The following PLCB1 variants were observed in gnomAD, a reference collection of about 807,000 sequenced individuals.
PLCB1 encodes the protein phospholipase C beta 1.
PLCB1 carries 46 observed loss-of-function variants against 161.8 expected under a neutral mutation model. The ratio of observed to expected loss-of-function variants is 0.28; its 90% CI spans 0.22 to 0.36. The LOEUF (loss-of-function observed/expected upper bound fraction) is 0.36, where lower values mean the gene tolerates loss of function less well. Among genes scored for constraint, PLCB1 ranks in the 10% least tolerant of loss-of-function variants. The pLI is 1.00. For missense variants in PLCB1, 1,016 were observed against 1,472.5 expected, an observed-to-expected ratio of 0.69 and a Z score of 5.07; for synonymous variants, 517 against 503.7, an observed-to-expected ratio of 1.03 and a Z score of -0.35.
chr20:8,377,505 A>G (rs1431489101), intron 3 of PLCB1, among the ~76,000 whole-genome samples: 1 of 152,188 alleles, frequency 6.6e-6, no homozygotes, highest in Admixed American at 6.5e-5. Context: ...AAACTACAAA[A>G]GAGAGAAGCA....
intron 3 of PLCB1, among the ~76,000 whole-genome samples, chr20:8,601,068 G>A (rs1409137367): frequency 1.3e-5 from 2 of 152,118 alleles, no homozygotes; most frequent in Non-Finnish European, 2.9e-5. Context: ...CTTCTGCGTC[G>A]CTCACGCTGG....
chr20:8,327,800 G>A (rs964975065), intron 2 of PLCB1, among the ~76,000 whole-genome samples: 3 of 152,012 alleles, frequency 2.0e-5, no homozygotes, highest in Non-Finnish European at 4.4e-5. Flanking sequence ...TGAAAATTAT[G>A]TTATCTTCTA....
intron 2 of PLCB1, among the ~76,000 whole-genome samples, chr20:8,277,071 G>A (rs990525543): frequency 1.3e-5 from 2 of 150,366 alleles, no homozygotes; most frequent in Non-Finnish European, 2.9e-5. Flanking sequence ...CACGATCTCG[G>A]CTCACTGCAG....
chr20:8,683,751 A>G (rs1180613184), intron 9 of PLCB1, among the ~76,000 whole-genome samples: 2 of 152,244 alleles, frequency 1.3e-5, no homozygotes, highest in African/African-American at 4.8e-5. Flanking sequence ...TATTTCTGCC[A>G]TCTGAAGTAA....
At chr20:8,858,306 T>C (rs1987135906) in intron 31 of PLCB1, among the ~76,000 whole-genome samples, 1 of 152,198 alleles carries the variant, frequency 6.6e-6, no homozygotes, top group African/African-American at 2.4e-5. Context: ...GGTATGGACT[T>C]GTCCTCAGTA....
In PLCB1 at chr20:8,686,824, C is replaced by T. The variant is rs11696268; in HGVS notation, c.1009+1746C>T. ...CAGACTCACCTTATTCCTTTCTGCTCCAGAGATGGAAACAGACTATTCTCC... is the reference window on the plus strand; with the variant it reads ...CAGACTCACCTTATTCCTTTCTGCTTCAGAGATGGAAACAGACTATTCTCC... On this transcript the variant is annotated intron_variant, in intron 10 of 31. Coordinates refer to ENST00000338037, the MANE Select transcript of PLCB1 (RefSeq NM_015192.4). Among the ~76,000 whole-genome samples the T allele has an allele frequency of 7.7e-3, 1,172 of 152,170 alleles. 9 individuals are homozygous for T. The highest frequency in any genetic ancestry group is 0.031 in the Middle Eastern group (9 of 294).
At chr20:8,310,006 T>C (rs1459894096) in intron 2 of PLCB1, among the ~76,000 whole-genome samples, 1 of 152,110 alleles carries the variant, frequency 6.6e-6, no homozygotes, top group Non-Finnish European at 1.5e-5. Context: ...AAATTTCTAC[T>C]GTGTAATCTT....
intron 2 of PLCB1, among the ~76,000 whole-genome samples, chr20:8,370,399 G>A (rs967673443): frequency 4.6e-5 from 7 of 152,080 alleles, no homozygotes; most frequent in African/African-American, 9.7e-5. Flanking sequence ...ACGTGAATCC[G>A]CTTCCATCCT....
intron 2 of PLCB1, among the ~76,000 whole-genome samples, chr20:8,177,333 G>C (rs1352954652): frequency 6.6e-6 from 1 of 152,150 alleles, no homozygotes; most frequent in Non-Finnish European, 1.5e-5. Context: ...GAATCTGCCA[G>C]CATCTTGATC....
intron 2 of PLCB1, among the ~76,000 whole-genome samples, chr20:8,191,228 A>G (rs1436400794): frequency 2.6e-5 from 4 of 151,994 alleles, no homozygotes; most frequent in African/African-American, 9.7e-5. Flanking sequence ...ATGCGTAATG[A>G]TCACATCATG....
intron 3 of PLCB1, among the ~76,000 whole-genome samples, chr20:8,498,023 T>C (rs1983247159): frequency 6.6e-6 from 1 of 152,208 alleles, no homozygotes. Flanking sequence ...TATCTTTTAA[T>C]AAGACAATAA....
intron 31 of PLCB1, among the ~76,000 whole-genome samples, chr20:8,853,352 A>G (rs1381283427): frequency 6.6e-6 from 1 of 152,126 alleles, no homozygotes; most frequent in Non-Finnish European, 1.5e-5. Context: ...CACCCCAGAA[A>G]CTTCCCTCGT....
chr20:8,739,211 T>A, intron 20 of PLCB1, 50 bp from the exon 21 acceptor site: 1 of 1,058,758 alleles, frequency 9.4e-7, no homozygotes, highest in Non-Finnish European at 1.5e-6. Flanking sequence ...TAATTATTTC[T>A]TGGAATTGTT....
chr20:8,151,514 A>G (rs2051507779), intron 2 of PLCB1, among the ~76,000 whole-genome samples: 1 of 152,176 alleles, frequency 6.6e-6, no homozygotes, highest in Admixed American at 6.6e-5. Flanking sequence ...AAGTGGAGGT[A>G]AACCACAGAC....
intron 26 of PLCB1, among the ~76,000 whole-genome samples, chr20:8,768,744 G>A (rs1299021532): frequency 2.0e-5 from 3 of 152,198 alleles, no homozygotes; most frequent in Non-Finnish European, 4.4e-5. Flanking sequence ...GATACTACTT[G>A]TGTCAGATGA....
intron 2 of PLCB1, among the ~76,000 whole-genome samples, chr20:8,338,804 C>T (rs909943272): frequency 2.4e-4 from 37 of 152,172 alleles, no homozygotes; most frequent in Admixed American, 2.4e-3. Flanking sequence ...ATACCTCTCT[C>T]TCCTACCCCT....
chr20:8,647,339 C>G (rs1337653281), intron 5 of PLCB1, among the ~76,000 whole-genome samples: 1 of 152,168 alleles, frequency 6.6e-6, no homozygotes. Flanking sequence ...ATCTCTACTA[C>G]AAATGTCTAT....
chr20:8,236,278 C>T (rs1980316707), intron 2 of PLCB1, among the ~76,000 whole-genome samples: 1 of 152,064 alleles, frequency 6.6e-6, no homozygotes, highest in African/African-American at 2.4e-5. Flanking sequence ...CACTTGTAAT[C>T]CCAGTAATTT....
At chr20:8,591,840 C>T (rs1987159227) in intron 3 of PLCB1, among the ~76,000 whole-genome samples, 1 of 152,146 alleles carries the variant, frequency 6.6e-6, no homozygotes. Flanking sequence ...ATGTAACTTG[C>T]TGGCCATCCC....
Sources: allele counts gnomAD v4.1 joint callset (sites outside exome capture counted in the v4.1 genomes callset), GRCh38; gene constraint gnomAD v4.1.1; transcripts MANE v1.5; gene names NCBI Gene and HGNC (gene_info 2026-07-23, HGNC 2026-07-21).